The following TTLL11 variants were observed in gnomAD, a reference collection of about 807,000 sequenced individuals.
TTLL11 encodes tubulin polyglutamylase TTLL11.
A neutral mutation model predicts 51.7 loss-of-function variants in TTLL11; 42 were observed. That is an observed-to-expected ratio of 0.81 (90% CI 0.64 to 1.05). The LOEUF (loss-of-function observed/expected upper bound fraction) is 1.05, where lower values mean the gene tolerates loss of function less well. TTLL11 is among the 50% of genes least tolerant of loss of function. The probability of loss-of-function intolerance (pLI) is 0.00; values close to 1 mark genes in which losing one functional copy is unlikely to be tolerated. For synonymous variants in TTLL11, 381 were observed against 383.5 expected, an observed-to-expected ratio of 0.99 and a Z score of 0.08; for missense variants, 799 against 940.4, an observed-to-expected ratio of 0.85 and a Z score of 1.97.
chr9:121,864,059 G>C (rs574591944), intron 7 of TTLL11, among the ~76,000 whole-genome samples: 2 of 152,288 alleles, frequency 1.3e-5, no homozygotes, highest in South Asian at 4.2e-4. Flanking sequence ...GCTTGGATTT[G>C]CCCTGTGGTT....
chr9:122,093,191 C>T lies in TTLL11; in HGVS notation c.-43G>A, dbSNP rs1178150881. 3 of 1,489,368 alleles carry T rather than the reference C, an allele frequency of 2.0e-6. No individual in the cohort carries two copies. The highest frequency in any genetic ancestry group is 1.8e-6 in the Non-Finnish European group (2 of 1,128,780). 92.3% of individuals were successfully genotyped at this position (1,489,368 alleles called of 1,614,324 possible). On this transcript the variant is annotated 5_prime_UTR_variant, in exon 1 of 9. Coordinates refer to ENST00000321582, the MANE Select transcript of TTLL11 (RefSeq NM_001139442.2). ...CCAGTGCCAGTGCCACCGCCGCCGC[C>T]GCCGCCGCTCCGCCGCCCCAGTCCG...
intron 3 of TTLL11, among the ~76,000 whole-genome samples, chr9:122,004,079 G>A (rs910321818): frequency 3.3e-5 from 5 of 151,396 alleles, no homozygotes; most frequent in African/African-American, 4.9e-5. Context: ...CCGAGACCAC[G>A]CCATTACACT....
At chr9:121,899,873 T>G (rs977487529) in intron 6 of TTLL11, among the ~76,000 whole-genome samples, 1 of 152,232 alleles carries the variant, frequency 6.6e-6, no homozygotes, top group Non-Finnish European at 1.5e-5. Context: ...TAAACACATG[T>G]TGAATGACTA....
intron 6 of TTLL11, among the ~76,000 whole-genome samples, chr9:121,940,036 C>T (rs954583847): frequency 1.3e-5 from 2 of 152,138 alleles, no homozygotes; most frequent in Non-Finnish European, 2.9e-5. Context: ...CCTCCTCCAG[C>T]GTTCTGAGAG....
At chr9:122,041,878 C>CT (rs1844853379) in intron 1 of TTLL11, among the ~76,000 whole-genome samples, 1 of 151,464 alleles carries the variant, frequency 6.6e-6, no homozygotes, top group African/African-American at 2.4e-5. Context: ...AATGCAGTCT[C>CT]TATCAAAATC....
intron 1 of TTLL11, among the ~76,000 whole-genome samples, chr9:122,079,563 G>T (rs559426390): frequency 1.3e-5 from 2 of 152,056 alleles, no homozygotes; most frequent in Admixed American, 6.6e-5. Context: ...CAAAAAATTA[G>T]CTGGGCGTGG....
intron 3 of TTLL11, among the ~76,000 whole-genome samples, chr9:122,019,580 G>T (rs1844103040): frequency 6.6e-6 from 1 of 152,134 alleles, no homozygotes; most frequent in Admixed American, 6.5e-5. Flanking sequence ...CTCCCGAGTA[G>T]GTGGGACTAC....
At chr9:121,954,255 C>T (rs1271079651) in intron 6 of TTLL11, among the ~76,000 whole-genome samples, 1 of 152,202 alleles carries the variant, frequency 6.6e-6, no homozygotes, top group Non-Finnish European at 1.5e-5. Flanking sequence ...GTCAACAGGC[C>T]TGTGAACCAG....
chr9:121,820,880 C>T lies in TTLL11; in HGVS notation c.*1707G>A, dbSNP rs1836557192. Reference sequence around the variant, plus strand: ...ACCCCAGAGTGGGCTCTGCAGGGCTCAGTTCCACGGCCCCTCTAGGCTGGG... The same window carrying T: ...ACCCCAGAGTGGGCTCTGCAGGGCTTAGTTCCACGGCCCCTCTAGGCTGGG... On this transcript the variant is annotated 3_prime_UTR_variant, in exon 9 of 9. Coordinates refer to ENST00000321582, the MANE Select transcript of TTLL11 (RefSeq NM_001139442.2). Among the ~76,000 whole-genome samples, 1 of 151,892 alleles carries T rather than the reference C, an allele frequency of 6.6e-6. No homozygotes were observed. The highest frequency in any genetic ancestry group is 2.4e-5 in the African/African-American group (1 of 41,436).
At chr9:122,036,694 C>T (rs1844713688) in intron 2 of TTLL11, among the ~76,000 whole-genome samples, 1 of 152,074 alleles carries the variant, frequency 6.6e-6, no homozygotes, top group Non-Finnish European at 1.5e-5. Flanking sequence ...CCTGGGATAT[C>T]CACTAGAACT....
In TTLL11 at chr9:121,974,045, C is replaced by T. The variant is rs1477838078; in HGVS notation, c.1445G>A (p.Arg482His). 12 of 1,551,622 alleles carry T rather than the reference C, an allele frequency of 7.7e-6. No individual in the cohort carries two copies. The highest frequency in any genetic ancestry group is 1.4e-5 in the African/African-American group (1 of 73,126). The change falls in exon 6 of 9, where the codon CGC becomes CAC. Residue 482 changes from arginine to histidine, a missense_variant. By Grantham distance (29) the Arg-to-His change is conservative. This residue lies in a region of TTLL11 where 468 missense variants were observed against 612.8 expected (regional missense o/e 0.76). Transcript: ENST00000321582. ...TTTCTTCTTAAGTGGGTCCATGAGG[C>T]GCAGAGTGTCTCTGATCACAGCCAC... is the stretch of plus-strand genomic sequence containing the variant. ...VKVAVIRDTL[R>H]LMDPLKKKRE...
At chr9:121,923,028 G>A (rs892141867) in intron 6 of TTLL11, among the ~76,000 whole-genome samples, 3 of 152,142 alleles carry the variant, frequency 2.0e-5, no homozygotes, top group African/African-American at 7.2e-5. Flanking sequence ...GAAGGGGCAC[G>A]CATGGGCATT....
chr9:122,020,125 C>G (rs1465148411), intron 3 of TTLL11, among the ~76,000 whole-genome samples: 3 of 152,184 alleles, frequency 2.0e-5, no homozygotes, highest in Non-Finnish European at 4.4e-5. Flanking sequence ...TGCCCTAAAT[C>G]CTTTTCTCTT....
At chr9:121,862,870 T>C (rs542941817) in intron 7 of TTLL11, among the ~76,000 whole-genome samples, 1 of 152,314 alleles carries the variant, frequency 6.6e-6, no homozygotes, top group East Asian at 1.9e-4. Context: ...AATAGCTCTG[T>C]TAGGGACCGG....
intron 6 of TTLL11, among the ~76,000 whole-genome samples, chr9:121,968,598 C>A (rs1842473904): frequency 6.6e-6 from 1 of 152,122 alleles, no homozygotes; most frequent in Non-Finnish European, 1.5e-5. Flanking sequence ...CGCTCTGTTG[C>A]CAGGCCGGAG....
chr9:121,882,339 C>G (rs1364320296), intron 6 of TTLL11, among the ~76,000 whole-genome samples: 1 of 152,158 alleles, frequency 6.6e-6, no homozygotes, highest in Non-Finnish European at 1.5e-5. Flanking sequence ...TGTGCATGGT[C>G]CCCTCCTGGC....
At chr9:121,828,889 C>T (rs529597446) in intron 8 of TTLL11, among the ~76,000 whole-genome samples, 10 of 152,016 alleles carry the variant, frequency 6.6e-5, no homozygotes, top group South Asian at 2.1e-4. Flanking sequence ...CGCTTGAGCC[C>T]AGGAATTTGA....
chr9:122,030,097 G>A (rs1377900387), intron 3 of TTLL11, among the ~76,000 whole-genome samples: 1 of 150,874 alleles, frequency 6.6e-6, no homozygotes, highest in East Asian at 1.9e-4. Context: ...TTCTCAGAAT[G>A]TGTGCCCGTC....
At chr9:121,952,035 C>A (rs1353968492) in intron 6 of TTLL11, among the ~76,000 whole-genome samples, 1 of 152,160 alleles carries the variant, frequency 6.6e-6, no homozygotes, top group African/African-American at 2.4e-5. Flanking sequence ...TTCTTTACTG[C>A]AACCTGTTTT....
Sources: gnomAD v4.1 joint callset for allele counts (sites outside exome capture counted in the v4.1 genomes callset) on GRCh38, gnomAD v4.1.1 for gene constraint, gnomAD v4.1.1 regional missense constraint, MANE v1.5 for transcripts, NCBI Gene and HGNC (gene_info 2026-07-23, HGNC 2026-07-21) for gene names.